The following PRKCA variants were observed in gnomAD, a reference collection of about 807,000 sequenced individuals.
PRKCA encodes protein kinase C alpha, also known as protein kinase C alpha type.
PRKCA carries 27 observed loss-of-function variants against 87.0 expected under a neutral mutation model. The observed-to-expected ratio is 0.31, with a 90% CI of 0.23 to 0.43. The LOEUF (loss-of-function observed/expected upper bound fraction) is 0.43. Among genes scored for constraint, PRKCA ranks in the 20% least tolerant of loss-of-function variants. PRKCA has a pLI of 1.00. For synonymous variants in PRKCA, 329 were observed against 311.1 expected, an observed-to-expected ratio of 1.06 and a Z score of -0.61; for missense variants, 518 against 852.3, an observed-to-expected ratio of 0.61 and a Z score of 4.88.
chr17:66,564,905 G>A (rs1406649438), intron 3 of PRKCA, among the ~76,000 whole-genome samples: 3 of 152,050 alleles, frequency 2.0e-5, no homozygotes, highest in South Asian at 2.1e-4. Flanking sequence ...GCTTGAACCC[G>A]GTTGGCAGAG....
intron 2 of PRKCA, among the ~76,000 whole-genome samples, chr17:66,443,386 A>T (rs1201590429): frequency 1.3e-5 from 2 of 152,192 alleles, no homozygotes; most frequent in Non-Finnish European, 2.9e-5. Context: ...TAGCCTTGGA[A>T]ACTAGAGGCT....
At chr17:66,774,915 T>C in intron 14 of PRKCA, 1 of 985,448 alleles carries the variant, frequency 1.0e-6, no homozygotes, top group Non-Finnish European at 1.2e-6. Context: ...CTTTCTCTTA[T>C]GATGTGACAT....
At chr17:66,353,722 A>G (rs1907889730) in intron 2 of PRKCA, among the ~76,000 whole-genome samples, 1 of 152,228 alleles carries the variant, frequency 6.6e-6, no homozygotes, top group Non-Finnish European at 1.5e-5. Flanking sequence ...TCTCAAAGAA[A>G]GCACCAAAGA....
At chr17:66,411,242 C>CTTT (rs11296687) in intron 2 of PRKCA, among the ~76,000 whole-genome samples, 3 of 136,960 alleles carry the variant, frequency 2.2e-5, no homozygotes, top group Admixed American at 7.2e-5. Context: ...CAACATCTGG[C>CTTT]TTTTTTTTTT....
chr17:66,697,485 C>T (rs768483390), intron 8 of PRKCA, among the ~76,000 whole-genome samples: 9 of 152,146 alleles, frequency 5.9e-5, no homozygotes, highest in Non-Finnish European at 8.8e-5. Flanking sequence ...TGTATTACCC[C>T]TCCCTCAAAG....
rs10661202 is a variant in PRKCA, at chr17:66,409,033, CAA to C, written c.206-87147_206-87146del. Among the ~76,000 whole-genome samples the C allele has an allele frequency of 3.9e-3, 299 of 76,966 alleles. 3 individuals are homozygous for C. Among genetic ancestry groups the C allele is most frequent in the African/African-American group, 0.014 (272 of 18,786 alleles). 50.5% of individuals were successfully genotyped at this position (76,966 alleles called of 152,430 possible). A position where few individuals can be genotyped will look rare whatever the true frequency, so the allele number is the denominator to read the frequency against. ...CGTCATCGCACTCCCTCCCCAGTCT[CAA>C]AAAAAAAAAAAAAAAAAAAAGAAGA... On this transcript the variant is annotated intron_variant, in intron 2 of 16. Coordinates refer to ENST00000413366, the MANE Select transcript of PRKCA (RefSeq NM_002737.3).
chr17:66,397,275 CTTT>C (rs57003663), intron 2 of PRKCA, among the ~76,000 whole-genome samples: 1 of 93,718 alleles, frequency 1.1e-5, no homozygotes. Flanking sequence ...CCAGTGTAGA[CTTT>C]TTTTTTTTTT....
chr17:66,665,487 G>A (rs747621965), intron 5 of PRKCA, among the ~76,000 whole-genome samples: 2 of 141,570 alleles, frequency 1.4e-5, no homozygotes, highest in Admixed American at 7.3e-5. Flanking sequence ...GGGGCTGAGT[G>A]TAGGAGTGGC....
intron 3 of PRKCA, among the ~76,000 whole-genome samples, chr17:66,558,775 G>A (rs1439518248): frequency 6.6e-6 from 1 of 152,154 alleles, no homozygotes; most frequent in East Asian, 1.9e-4. Context: ...AGTCCAAGAT[G>A]ATGATACCCG....
intron 2 of PRKCA, among the ~76,000 whole-genome samples, chr17:66,476,648 C>T (rs997851565): frequency 6.6e-6 from 1 of 152,168 alleles, no homozygotes; most frequent in Non-Finnish European, 1.5e-5. Context: ...AAACTTCTCC[C>T]CTCACTGGCC....
intron 3 of PRKCA, among the ~76,000 whole-genome samples, chr17:66,556,535 G>A (rs1025174892): frequency 6.6e-6 from 1 of 152,120 alleles, no homozygotes; most frequent in African/African-American, 2.4e-5. Context: ...GCAGTTGAAT[G>A]TGGAGAGGGT....
intron 2 of PRKCA, among the ~76,000 whole-genome samples, chr17:66,448,082 TA>T (rs1567834150): frequency 6.6e-6 from 1 of 152,230 alleles, no homozygotes. Flanking sequence ...GAAATTACAG[TA>T]GAAAGCTTAG....
intron 2 of PRKCA, among the ~76,000 whole-genome samples, chr17:66,495,167 G>A (rs1051201722): frequency 2.0e-4 from 30 of 151,750 alleles, no homozygotes; most frequent in African/African-American, 6.5e-4. Context: ...TTCATCCTTA[G>A]GACTATTTAT....
chr17:66,463,216 A>C (rs1007188706), intron 2 of PRKCA, among the ~76,000 whole-genome samples: 1 of 152,104 alleles, frequency 6.6e-6, no homozygotes, highest in African/African-American at 2.4e-5. Context: ...TATAATGTGC[A>C]GTTTTTGCTG....
At chr17:66,588,792 C>G (rs972008587) in intron 3 of PRKCA, among the ~76,000 whole-genome samples, 1 of 151,764 alleles carries the variant, frequency 6.6e-6, no homozygotes, top group Admixed American at 6.6e-5. Context: ...AGGCACCCAC[C>G]ACCATGCTCG....
chr17:66,672,966 A>G (rs141033447), intron 5 of PRKCA, among the ~76,000 whole-genome samples: 11 of 152,242 alleles, frequency 7.2e-5, no homozygotes, highest in Non-Finnish European at 1.2e-4. Context: ...TTATATTTTT[A>G]TGTCTTTAAA....
intron 16 of PRKCA, among the ~76,000 whole-genome samples, chr17:66,800,166 A>G (rs1975868363): frequency 6.6e-6 from 1 of 152,220 alleles, no homozygotes; most frequent in Non-Finnish European, 1.5e-5. Context: ...AAGTGAACCA[A>G]TTTAAGAAAA....
intron 3 of PRKCA, among the ~76,000 whole-genome samples, chr17:66,545,334 T>C (rs533078237): frequency 9.9e-5 from 15 of 152,098 alleles, no homozygotes; most frequent in African/African-American, 1.9e-4. Context: ...GAGGCTGAGG[T>C]AGGAGAATGG....
intron 8 of PRKCA, among the ~76,000 whole-genome samples, chr17:66,726,475 G>T (rs1054329384): frequency 6.6e-6 from 1 of 152,232 alleles, no homozygotes; most frequent in African/African-American, 2.4e-5. Context: ...GAAGGAAGGA[G>T]TGTTGGGGTT....
Sources: allele counts gnomAD v4.1 joint callset (sites outside exome capture counted in the v4.1 genomes callset), GRCh38; gene constraint gnomAD v4.1.1; transcripts MANE v1.5; gene names NCBI Gene and HGNC (gene_info 2026-07-23, HGNC 2026-07-21).